Variants in KSR1 observed in about 807,000 individuals in gnomAD.
KSR1 encodes the protein kinase suppressor of ras.
A neutral mutation model predicts 92.9 loss-of-function variants in KSR1; 35 were observed. The ratio of observed to expected loss-of-function variants is 0.38; its 90% CI spans 0.29 to 0.50. The LOEUF is 0.50. KSR1 is among the 20% of genes least tolerant of loss of function. The probability of loss-of-function intolerance (pLI) is 0.94; values close to 1 mark genes in which losing one functional copy is unlikely to be tolerated. For synonymous variants in KSR1, 467 were observed against 472.6 expected (o/e 0.99, Z 0.15); for missense variants, 972 against 1,158.5 (o/e 0.84, Z 2.34).
intron 1 of KSR1, among the ~76,000 whole-genome samples, chr17:27,499,773 C>T (rs746166401): frequency 2.6e-5 from 4 of 152,156 alleles, no homozygotes; most frequent in Non-Finnish European, 4.4e-5. Context: ...TGTGGAGAGA[C>T]GGGGACTGAA....
intron 1 of KSR1, among the ~76,000 whole-genome samples, chr17:27,535,157 G>A (rs1490074962): frequency 1.3e-5 from 2 of 152,104 alleles, no homozygotes; most frequent in African/African-American, 4.8e-5. Flanking sequence ...GTGGGAGTTG[G>A]GGTGGGCAGT....
At chr17:27,620,152 G>A (rs1440949929) in intron 19 of KSR1, among the ~76,000 whole-genome samples, 1 of 152,244 alleles carries the variant, frequency 6.6e-6, no homozygotes, top group East Asian at 1.9e-4. Context: ...AGGAACGACT[G>A]TGTGGGGTTA....
Position 27,623,762 on chromosome 17 carries a change from G to T in KSR1, c.*370G>T, listed in dbSNP as rs918661409. On this transcript the variant is annotated 3_prime_UTR_variant, in exon 21 of 21. Transcript: ENST00000644974. ...CTCTGAGGACCTTGTAGGCGGTGAG[G>T]GACCCATGCTGGGCCAGAAGGAAGA... 1 of 550,780 alleles carries T rather than the reference G, an allele frequency of 1.8e-6. No homozygotes were observed. The highest frequency in any genetic ancestry group is 3.1e-6 in the Non-Finnish European group (1 of 318,786). The allele number at this position is 550,780 out of a possible 1,614,324, so 34.1% of individuals were successfully genotyped here. A position where few individuals can be genotyped will look rare whatever the true frequency, so the allele number is the denominator to read the frequency against.
intron 1 of KSR1, among the ~76,000 whole-genome samples, chr17:27,533,421 G>A (rs763761476): frequency 1.3e-5 from 2 of 149,772 alleles, no homozygotes; most frequent in African/African-American, 2.5e-5. Flanking sequence ...GTATCACTCT[G>A]TCACCAGGCT....
intron 1 of KSR1, among the ~76,000 whole-genome samples, chr17:27,549,229 A>G (rs1449231525): frequency 6.6e-6 from 1 of 152,190 alleles, no homozygotes; most frequent in African/African-American, 2.4e-5. Context: ...TGAAGGTGGT[A>G]CTTATTTTGG....
At chr17:27,582,570 T>A in intron 3 of KSR1, 76 bp from the exon 4 acceptor site, 2 of 1,352,542 alleles carry the variant, frequency 1.5e-6, no homozygotes, top group Non-Finnish European at 1.0e-6. Context: ...GTGTTGAACA[T>A]CTCTGGCCCC....
intron 1 of KSR1, among the ~76,000 whole-genome samples, chr17:27,488,415 G>T (rs920439711): frequency 3.9e-5 from 6 of 151,916 alleles, no homozygotes; most frequent in East Asian, 1.9e-4. Flanking sequence ...ACCATTATTA[G>T]TAGTAGTTTT....
chr17:27,617,149 A>T (rs1598157465), intron 18 of KSR1, 146 bp from the exon 19 acceptor site: 3 of 784,062 alleles, frequency 3.8e-6, no homozygotes, highest in Non-Finnish European at 5.7e-6. Context: ...GTTACTTCTC[A>T]CCCCTTCATG....
chr17:27,616,617 A>G (rs1204340067), intron 18 of KSR1, among the ~76,000 whole-genome samples: 1 of 152,112 alleles, frequency 6.6e-6, no homozygotes, highest in African/African-American at 2.4e-5. Flanking sequence ...TGTATTTAAG[A>G]GCAAAAGCCT....
intron 1 of KSR1, among the ~76,000 whole-genome samples, chr17:27,477,223 G>A (rs1318273114): frequency 6.6e-6 from 1 of 152,160 alleles, no homozygotes; most frequent in Admixed American, 6.5e-5. Context: ...CAGCAAGGTC[G>A]TTATGACCTG....
At position 27,560,324 on chromosome 17, in the gene KSR1, A is replaced by G. The variant is rs545635266; in HGVS notation, c.372+9616A>G. 1.1e-3 allele frequency: 444 copies of G among 419,228 alleles called. 3 individuals are homozygous for G. The highest frequency in any genetic ancestry group is 1.4e-3 in the Non-Finnish European group (289 of 211,790). 26.0% of individuals were successfully genotyped at this position (419,228 alleles called of 1,614,324 possible). A position where few individuals can be genotyped will look rare whatever the true frequency, so the allele number is the denominator to read the frequency against. On this transcript the variant is annotated intron_variant, in intron 2 of 20. Coordinates refer to ENST00000644974, the MANE Select transcript of KSR1 (RefSeq NM_001394583.1). ...TGGAAGTTGTTGAAAGGAAGTGGCAAGCGCTGCCTGAGCAGTTCTAGCTGG... is the reference window on the plus strand; with the variant it reads ...TGGAAGTTGTTGAAAGGAAGTGGCAGGCGCTGCCTGAGCAGTTCTAGCTGG...
At chr17:27,574,417 G>A (rs1457811669) in intron 2 of KSR1, among the ~76,000 whole-genome samples, 1 of 151,280 alleles carries the variant, frequency 6.6e-6, no homozygotes, top group East Asian at 1.9e-4. Flanking sequence ...CCAGTGATGA[G>A]CTTCTTGGTA....
At chr17:27,610,483 G>A (rs995547944) in intron 17 of KSR1, among the ~76,000 whole-genome samples, 1 of 152,206 alleles carries the variant, frequency 6.6e-6, no homozygotes, top group Non-Finnish European at 1.5e-5. Flanking sequence ...CTTAACACTG[G>A]CTGTCAGCCC....
intron 2 of KSR1, among the ~76,000 whole-genome samples, chr17:27,568,683 T>C (rs1410718348): frequency 6.6e-6 from 1 of 152,236 alleles, no homozygotes; most frequent in African/African-American, 2.4e-5. Flanking sequence ...GTTACATCTC[T>C]AGCCACACCT....
intron 1 of KSR1, among the ~76,000 whole-genome samples, chr17:27,535,147 G>A (rs1263354795): frequency 6.6e-5 from 10 of 152,108 alleles, no homozygotes; most frequent in Non-Finnish European, 1.3e-4. Flanking sequence ...GCTTTCCTGG[G>A]TGGGAGTTGG....
chr17:27,613,473 A>G (rs954553261), intron 18 of KSR1, among the ~76,000 whole-genome samples: 1 of 152,232 alleles, frequency 6.6e-6, no homozygotes, highest in African/African-American at 2.4e-5. Context: ...ATATCAGGCC[A>G]CCACACACGA....
chr17:27,611,997 G>A (rs927109842), intron 18 of KSR1, among the ~76,000 whole-genome samples: 1 of 151,942 alleles, frequency 6.6e-6, no homozygotes, highest in Non-Finnish European at 1.5e-5. Context: ...ACAAATAGTT[G>A]TGCTATGCTG....
intron 10 of KSR1, 43 bp downstream of exon 10, chr17:27,597,479 C>T: frequency 6.5e-7 from 1 of 1,548,012 alleles, no homozygotes; most frequent in Non-Finnish European, 8.8e-7. Flanking sequence ...GGGATACAGT[C>T]AGATCCCCTT....
At chr17:27,613,199 C>CCCG (rs2073966672) in intron 18 of KSR1, 1 of 152,654 alleles carries the variant, frequency 6.6e-6, no homozygotes, top group Admixed American at 6.5e-5. Flanking sequence ...CACTCTGAGG[C>CCCG]CCGTCCTTCT....
Sources: allele counts gnomAD v4.1 joint callset (sites outside exome capture counted in the v4.1 genomes callset), GRCh38; gene constraint gnomAD v4.1.1; transcripts MANE v1.5; gene names NCBI Gene and HGNC (gene_info 2026-07-23, HGNC 2026-07-21).